Variants in PIM2 observed in about 807,000 individuals in gnomAD.
PIM2 encodes Pim-2 proto-oncogene, serine/threonine kinase.
Under a neutral mutation model 18.0 loss-of-function variants are expected in PIM2, and 3 were observed. That is an observed-to-expected ratio of 0.17 (90% CI 0.08 to 0.43). PIM2 has a LOEUF of 0.43. Among genes scored for constraint, PIM2 ranks in the 20% least tolerant of loss-of-function variants. PIM2 has a pLI of 0.99. For missense variants in PIM2, 181 were observed against 260.8 expected, an observed-to-expected ratio of 0.69 and a Z score of 2.11; for synonymous variants, 117 against 105.3, an observed-to-expected ratio of 1.11 and a Z score of -0.68.
In PIM2 at chrX:48,913,927, C is replaced by T. The variant is rs2063555963; in HGVS notation, c.*204G>A. On this transcript the variant is annotated 3_prime_UTR_variant, in exon 6 of 6. Coordinates refer to ENST00000376509, the MANE Select transcript of PIM2 (RefSeq NM_006875.4). ...GACCACAGGTTCTGGGAGGAAGGCTCCTTTGTAGGATTGGGAAGGGAACTG... is the reference window on the plus strand; with the variant it reads ...GACCACAGGTTCTGGGAGGAAGGCTTCTTTGTAGGATTGGGAAGGGAACTG... 3 of 350,035 alleles carry T rather than the reference C, an allele frequency of 8.6e-6. No individual in the cohort carries two copies. The East Asian group carries it at 1.4e-4, about 17-fold the overall frequency. 28.8% of individuals were successfully genotyped at this position (350,035 alleles called of 1,213,427 possible).
In PIM2 at chrX:48,914,134, G is replaced by C. The variant is rs1557044920; in HGVS notation, c.933C>G (p.Pro311=). ...GPAPLAWSLL[P] ...GCCAGGCCAGGCCAGGCCAGGCTTA[G>C]GGTAGCAAGGACCAGGCCAAAGGGG... Residue 311 remains proline (P), a synonymous_variant, in exon 6 of 6, where the codon CCC becomes CCG. Coordinates refer to ENST00000376509, the MANE Select transcript of PIM2 (RefSeq NM_006875.4). 3 of 1,119,119 alleles carry C rather than the reference G, an allele frequency of 2.7e-6. No homozygotes were observed. The highest frequency in any genetic ancestry group is 3.6e-6 in the Non-Finnish European group (3 of 844,099). 92.2% of individuals were successfully genotyped at this position (1,119,119 alleles called of 1,213,427 possible).
intron 4 of PIM2, chrX:48,914,793 G>GT (rs2063558499): frequency 1.7e-5 from 8 of 457,386 alleles, no homozygotes; most frequent in South Asian, 1.5e-4. Context: ...ACTCAGGATG[G>GT]TAACAGGATC....
chrX:48,918,848 C>A lies in PIM2; in HGVS notation c.-14G>T. 8.4e-7 allele frequency: 1 copy of A among 1,192,132 alleles called. No individual in the cohort carries two copies. Among genetic ancestry groups the A allele is most frequent in the Non-Finnish European group, 1.1e-6 (1 of 887,375 alleles). ...CTTGGTCAACATGGAGGTGGCGCTG[C>A]GCAGATTGAGCCCACTGAACCCGCT... On this transcript the variant is annotated 5_prime_UTR_variant, in exon 1 of 6. Transcript: ENST00000376509.
rs782174956 is a variant in PIM2 at position 48,916,574 on chromosome X, C to T, written c.223-1182G>A. On this transcript the variant is annotated intron_variant, in intron 3 of 5. Transcript: ENST00000376509. ...TAAAAATACAAAATTAGAGGCCGGG[C>T]GCGGTGGCTCACGCCTGTAATCCCA... Among the ~76,000 whole-genome samples, 672 of 111,861 alleles carry T rather than the reference C, an allele frequency of 6.0e-3. 1 individual carries two copies. The highest frequency in any genetic ancestry group is 0.01 in the Non-Finnish European group (531 of 53,080).
Position 48,914,186 on chromosome X carries a change from G to A in PIM2, c.881C>T (p.Pro294Leu). 8.5e-7 allele frequency: 1 copy of A among 1,175,225 alleles called. No homozygotes were observed. Among genetic ancestry groups the A allele is most frequent in the South Asian group, 1.9e-5 (1 of 53,098 alleles). Residue 294 changes from proline to leucine, a missense_variant, in exon 6 of 6, where the codon CCC (proline) becomes CTC (leucine). Coordinates refer to ENST00000376509, the MANE Select transcript of PIM2 (RefSeq NM_006875.4). Reference protein sequence around the residue: ...PWMQTPAEDVPLNPSKGGPAP... With the variant: ...PWMQTPAEDVLLNPSKGGPAP... Reference sequence around the variant, plus strand: ...AGGGCCTCCTTTGGAGGGGTTGAGGGGTACATCCTCGGCTGGTGTTTGCAT... The same window carrying A: ...AGGGCCTCCTTTGGAGGGGTTGAGGAGTACATCCTCGGCTGGTGTTTGCAT...
intron 1 of PIM2, 62 bp downstream of exon 1, chrX:48,918,712 C>A (rs1372622383): frequency 5.3e-6 from 6 of 1,127,734 alleles, no homozygotes; most frequent in Non-Finnish European, 7.2e-6. Context: ...TCCCTCCCCC[C>A]GCGCTGCAAC....
At position 48,918,936 on chromosome X, in the gene PIM2, G is replaced by C; in HGVS notation, c.-102C>G. On this transcript the variant is annotated 5_prime_UTR_variant, in exon 1 of 6. Transcript: ENST00000376509. Reference sequence around the variant, plus strand: ...GGGGAGCCAGGGCTGGGGGGCGCCAGGGTGGAAAGCAGAGAAACTGGTGGC... The same window carrying C: ...GGGGAGCCAGGGCTGGGGGGCGCCACGGTGGAAAGCAGAGAAACTGGTGGC... 1 of 703,652 alleles carries C rather than the reference G, an allele frequency of 1.4e-6. No homozygotes were observed. The highest frequency in any genetic ancestry group is 2.1e-6 in the Non-Finnish European group (1 of 474,506). The allele number at this position is 703,652 out of a possible 1,213,427, so 58.0% of individuals were successfully genotyped here.
intron 3 of PIM2, 92 bp downstream of exon 3, chrX:48,917,689 G>GCCCAGGGAGT (rs2063566976): frequency 3.1e-6 from 2 of 651,381 alleles, no homozygotes; most frequent in Non-Finnish European, 5.0e-6. Flanking sequence ...CTGTTACAGG[G>GCCCAGGGAGT]CCCAGGGAGT....
chrX:48,918,445 G>A (rs1381393599), intron 2 of PIM2, 91 bp downstream of exon 2: 3 of 603,668 alleles, frequency 5.0e-6, no homozygotes, highest in Non-Finnish European at 7.8e-6. Context: ...ACACTCTGCA[G>A]GCTCACTCCT....
In PIM2 at chrX:48,913,218, C is replaced by T. The variant is rs1384633785; in HGVS notation, c.*913G>A. 1.8e-5 allele frequency: 2 copies of T among 111,118 alleles called. No individual in the cohort carries two copies. The highest frequency in any genetic ancestry group is 3.8e-5 in the Non-Finnish European group (2 of 52,884). The allele number at this position is 111,118 out of a possible 1,213,427, so 9.2% of individuals were successfully genotyped here. A position where few individuals can be genotyped will look rare whatever the true frequency, so the allele number is the denominator to read the frequency against. On this transcript the variant is annotated 3_prime_UTR_variant, in exon 6 of 6. Transcript: ENST00000376509. Reference sequence around the variant, plus strand: ...TTACTTTTATTAAATAGTGGGTTTCCACACATGGCTTTTTAAATAATCCAG... The same window carrying T: ...TTACTTTTATTAAATAGTGGGTTTCTACACATGGCTTTTTAAATAATCCAG...
intron 3 of PIM2, among the ~76,000 whole-genome samples, chrX:48,917,464 A>C (rs782219731): frequency 3.5e-5 from 4 of 113,263 alleles, no homozygotes; most frequent in Non-Finnish European, 5.6e-5. Context: ...TAGCGTTATA[A>C]CGGCAAGAGA....
chrX:48,917,975 G>GT, intron 2 of PIM2, 144 bp from the exon 3 acceptor site: 2 of 498,607 alleles, frequency 4.0e-6, no homozygotes, highest in East Asian at 7.4e-5. Context: ...CACAGAACGC[G>GT]TACCAGGGCG....
chrX:48,917,746 G>A (rs782185628), intron 3 of PIM2, 35 bp downstream of exon 3: 1 of 1,118,606 alleles, frequency 8.9e-7, no homozygotes, highest in Admixed American at 2.2e-5. Context: ...CAGTGATGGA[G>A]TAGGTAGGTT....
At chrX:48,917,930 C>T in intron 2 of PIM2, 99 bp from the exon 3 acceptor site, 1 of 655,664 alleles carries the variant, frequency 1.5e-6, no homozygotes, top group Non-Finnish European at 2.4e-6. Flanking sequence ...CATCTACCAG[C>T]ACTCTAGTCT....
Position 48,915,369 on chromosome X carries a change from G to T in PIM2, c.246C>A (p.Leu82=). Residue 82 remains leucine, a synonymous_variant, in exon 4 of 6, where the codon CTC becomes CTA. Coordinates refer to ENST00000376509, the MANE Select transcript of PIM2 (RefSeq NM_006875.4). ...CCACTTTCCATAGCAGTGCGACTTC[G>T]AGTGGGCATGTGACTGAGTCTGACT... ...SPLSDSVTCP[L]EVALLWKVGA... The T allele has an allele frequency of 3.3e-6, 4 of 1,205,697 alleles. No homozygotes were observed. Among genetic ancestry groups the T allele is most frequent in the Non-Finnish European group, 4.5e-6 (4 of 891,688 alleles).
chrX:48,918,298 G>GCCCCCCCCCCCCC (rs11361543), intron 2 of PIM2, among the ~76,000 whole-genome samples: 20 of 24,988 alleles, frequency 8.0e-4, no homozygotes, highest in African/African-American at 8.7e-4. Flanking sequence ...GAAGCCCCCT[G>GCCCCCCCCCCCCC]CCCCCCCCCC....
intron 2 of PIM2, 32 bp from the exon 3 acceptor site, chrX:48,917,863 C>A: frequency 9.0e-7 from 1 of 1,116,798 alleles, no homozygotes; most frequent in Non-Finnish European, 1.2e-6. Flanking sequence ...AGGAGGCCAG[C>A]AGGTGATCCC....
intron 3 of PIM2, chrX:48,915,647 G>T (rs2063561208): frequency 6.3e-6 from 2 of 319,369 alleles, no homozygotes; most frequent in African/African-American, 2.7e-5. Flanking sequence ...ATAAACGAAA[G>T]AAGTTCGGCC....
Position 48,915,181 on chromosome X carries a change from C to T in PIM2, c.434G>A (p.Gly145Asp). 3.3e-6 allele frequency: 4 copies of T among 1,212,262 alleles called. No individual in the cohort carries two copies. The highest frequency in any genetic ancestry group is 4.5e-6 in the Non-Finnish European group (4 of 895,544). ...GTGCTGGATGGCTGCCACTACTTGG[C>T]CAAAGAAGCAGCGGCTTGGGCCTTC... ...LGEGPSRCFF[G>D]QVVAAIQHCH... Residue 145 changes from glycine (G) to aspartate (D), a missense_variant, in exon 4 of 6, where the codon GGC becomes GAC. Around this residue, in one of 5 missense-constraint regions of PIM2, gnomAD observed 104 missense variants for 125.3 expected, o/e 0.83. Transcript: ENST00000376509.
Sources: gnomAD v4.1 joint callset for allele counts (sites outside exome capture counted in the v4.1 genomes callset) on GRCh38, gnomAD v4.1.1 for gene constraint, gnomAD v4.1.1 regional missense constraint, MANE v1.5 for transcripts, NCBI Gene and HGNC (gene_info 2026-07-23, HGNC 2026-07-21) for gene names.